The following GPC5 variants were observed in gnomAD, a reference collection of about 807,000 sequenced individuals.
The protein encoded by GPC5 is glypican-5.
Under a neutral mutation model 53.9 loss-of-function variants are expected in GPC5, and 47 were observed. The observed-to-expected ratio is 0.87, with a 90% CI of 0.69 to 1.11. The LOEUF (loss-of-function observed/expected upper bound fraction) is 1.11. Ranked by LOEUF, GPC5 falls within the 50% of genes most tolerant of loss-of-function variation. The pLI is 0.00. For missense variants in GPC5, 748 were observed against 713.1 expected (o/e 1.05, Z -0.56); for synonymous variants, 286 against 263.3 (o/e 1.09, Z -0.84).
intron 6 of GPC5, among the ~76,000 whole-genome samples, chr13:92,050,101 T>G (rs1594743702): frequency 1.3e-5 from 2 of 152,216 alleles, no homozygotes; most frequent in Middle Eastern, 3.4e-3. Context: ...AATGAAGACA[T>G]GATTCTAAGA....
intron 7 of GPC5, among the ~76,000 whole-genome samples, chr13:92,355,612 A>G (rs1278874855): frequency 1.3e-5 from 2 of 152,136 alleles, no homozygotes; most frequent in East Asian, 1.9e-4. Flanking sequence ...ATTTCTCTCT[A>G]AAATAATTTA....
intron 6 of GPC5, among the ~76,000 whole-genome samples, chr13:91,979,073 G>A (rs2040334100): frequency 1.3e-5 from 2 of 152,148 alleles, no homozygotes; most frequent in African/African-American, 4.8e-5. Flanking sequence ...TTGGGTGAGG[G>A]TGGAGATTAA....
At chr13:92,343,874 A>G (rs1340392123) in intron 7 of GPC5, among the ~76,000 whole-genome samples, 1 of 152,138 alleles carries the variant, frequency 6.6e-6, no homozygotes, top group South Asian at 2.1e-4. Context: ...TTTTCAGGGC[A>G]TATCTTATTA....
chr13:91,885,445 G>A (rs1217199202), intron 5 of GPC5, among the ~76,000 whole-genome samples: 2 of 151,896 alleles, frequency 1.3e-5, no homozygotes, highest in East Asian at 1.9e-4. Flanking sequence ...CCCCCTCCCC[G>A]ACTAGAATCT....
chr13:92,420,243 A>G (rs1876498042), intron 7 of GPC5, among the ~76,000 whole-genome samples: 1 of 152,304 alleles, frequency 6.6e-6, no homozygotes, highest in African/African-American at 2.4e-5. Flanking sequence ...CATTCATTTC[A>G]AGCCAAAATA....
At chr13:92,410,974 C>A (rs1050137079) in intron 7 of GPC5, among the ~76,000 whole-genome samples, 3 of 152,212 alleles carry the variant, frequency 2.0e-5, no homozygotes, top group Non-Finnish European at 4.4e-5. Flanking sequence ...GTGGCCCATG[C>A]CTATAATCCC....
chr13:91,505,861 C>T (rs1463542874), intron 2 of GPC5, among the ~76,000 whole-genome samples: 1 of 152,198 alleles, frequency 6.6e-6, no homozygotes, highest in South Asian at 2.1e-4. Flanking sequence ...TTCCCAGATA[C>T]TCTTATCTTC....
At chr13:92,206,367 A>G (rs1344999542) in intron 7 of GPC5, among the ~76,000 whole-genome samples, 1 of 149,250 alleles carries the variant, frequency 6.7e-6, no homozygotes, top group Non-Finnish European at 1.5e-5. Context: ...GGGTTTCACC[A>G]TGTTAGCCAG....
At chr13:92,799,585 G>A (rs2138785326) in intron 7 of GPC5, among the ~76,000 whole-genome samples, 1 of 151,886 alleles carries the variant, frequency 6.6e-6, no homozygotes, top group African/African-American at 2.4e-5. Flanking sequence ...AAAATCAGTT[G>A]AAAAATGGGG....
intron 6 of GPC5, among the ~76,000 whole-genome samples, chr13:92,006,768 C>T (rs1261635566): frequency 1.3e-5 from 2 of 151,812 alleles, no homozygotes; most frequent in Non-Finnish European, 2.9e-5. Context: ...CATAAACATA[C>T]ACACACACAC....
At chr13:92,636,609 G>A (rs1885411313) in intron 7 of GPC5, among the ~76,000 whole-genome samples, 1 of 145,840 alleles carries the variant, frequency 6.9e-6, no homozygotes, top group South Asian at 2.3e-4. Context: ...AAAATGTACT[G>A]GGGGCTTTAT....
intron 7 of GPC5, among the ~76,000 whole-genome samples, chr13:92,677,184 G>A (rs1886971665): frequency 6.6e-6 from 1 of 152,096 alleles, no homozygotes; most frequent in African/African-American, 2.4e-5. Flanking sequence ...AAATTTTACA[G>A]TTGCTTAGCC....
At chr13:92,614,777 G>A (rs1421549922) in intron 7 of GPC5, among the ~76,000 whole-genome samples, 1 of 152,140 alleles carries the variant, frequency 6.6e-6, no homozygotes, top group Non-Finnish European at 1.5e-5. Flanking sequence ...GAGACACTGA[G>A]AATCAAGGTT....
intron 5 of GPC5, among the ~76,000 whole-genome samples, chr13:91,870,811 C>T (rs950072648): frequency 5.3e-5 from 8 of 152,080 alleles, no homozygotes; most frequent in African/African-American, 1.9e-4. Context: ...TAGAAGAATA[C>T]GGTCTTGATA....
intron 7 of GPC5, among the ~76,000 whole-genome samples, chr13:92,540,786 C>T (rs34104285): frequency 0.43 from 64,773 of 151,590 alleles, 14,541 homozygotes; most frequent in African/African-American, 0.56. Flanking sequence ...GTATATTACA[C>T]TGTAGAGAAC....
At chr13:92,350,251 T>C (rs2043464709) in intron 7 of GPC5, among the ~76,000 whole-genome samples, 2 of 152,182 alleles carry the variant, frequency 1.3e-5, no homozygotes, top group African/African-American at 4.8e-5. Context: ...TTTAAGGCCA[T>C]ATATGAGAAG....
At chr13:91,672,292 T>G (rs1430777671) in intron 2 of GPC5, among the ~76,000 whole-genome samples, 1 of 152,014 alleles carries the variant, frequency 6.6e-6, no homozygotes, top group Non-Finnish European at 1.5e-5. Flanking sequence ...ATCATCAGAG[T>G]GAACAGGCAA....
At chr13:91,942,631 AG>A (rs1345749246) in intron 6 of GPC5, among the ~76,000 whole-genome samples, 2 of 151,182 alleles carry the variant, frequency 1.3e-5, no homozygotes, top group East Asian at 3.9e-4. Context: ...TTATGAAAAA[AG>A]TAGAGTAGTT....
chr13:91,838,240 G>A (rs959936591), intron 5 of GPC5, among the ~76,000 whole-genome samples: 17 of 151,982 alleles, frequency 1.1e-4, no homozygotes, highest in African/African-American at 3.6e-4. Flanking sequence ...AGTGTCCCCT[G>A]CCATCCCCGC....
Sources: allele counts gnomAD v4.1 joint callset (sites outside exome capture counted in the v4.1 genomes callset), GRCh38; gene constraint gnomAD v4.1.1; transcripts MANE v1.5; gene names NCBI Gene and HGNC (gene_info 2026-07-23, HGNC 2026-07-21).